Variants in ZBTB38 observed in about 807,000 individuals in gnomAD.
ZBTB38 encodes zinc finger and BTB domain-containing protein 38.
ZBTB38 carries 20 observed loss-of-function variants against 76.8 expected under a neutral mutation model. That is an observed-to-expected ratio of 0.26 (90% CI 0.18 to 0.38). The LOEUF is 0.38. Among genes scored for constraint, ZBTB38 ranks in the 10% least tolerant of loss-of-function variants. ZBTB38 has a pLI of 1.00. For missense variants in ZBTB38, 1,082 were observed against 1,482.3 expected (o/e 0.73, Z 4.43); for synonymous variants, 504 against 544.2 (o/e 0.93, Z 1.03).
At chr3:141,376,542 C>T (rs1390413749) in intron 2 of ZBTB38, among the ~76,000 whole-genome samples, 4 of 152,200 alleles carry the variant, frequency 2.6e-5, no homozygotes, top group Non-Finnish European at 5.9e-5. Flanking sequence ...CTCCCTTGAA[C>T]CAGAGGTACC....
chr3:141,329,634 A>G (rs915666061), intron 1 of ZBTB38, among the ~76,000 whole-genome samples: 1 of 152,256 alleles, frequency 6.6e-6, no homozygotes. Flanking sequence ...CCCAGAGGTT[A>G]GGGACAGGGG....
intron 5 of ZBTB38, among the ~76,000 whole-genome samples, chr3:141,415,360 A>G (rs1025809845): frequency 2.4e-4 from 36 of 152,286 alleles, no homozygotes; most frequent in South Asian, 1.9e-3. Context: ...GAATCATTCT[A>G]GAAACTTGTT....
intron 5 of ZBTB38, among the ~76,000 whole-genome samples, chr3:141,434,812 TTATAAG>T (rs1189413184): frequency 6.6e-6 from 1 of 151,844 alleles, no homozygotes; most frequent in Non-Finnish European, 1.5e-5. Flanking sequence ...ACAAATGTCC[TTATAAG>T]TATAATATAT....
chr3:141,356,106 G>A (rs1247761500), intron 1 of ZBTB38, among the ~76,000 whole-genome samples: 1 of 152,054 alleles, frequency 6.6e-6, no homozygotes, highest in Non-Finnish European at 1.5e-5. Flanking sequence ...GTGTGGCCAA[G>A]TGCATTAACA....
chr3:141,363,542 G>C (rs1231795360), upstream of ZBTB38, among the ~76,000 whole-genome samples: 1 of 152,086 alleles, frequency 6.6e-6, no homozygotes, highest in Non-Finnish European at 1.5e-5. Context: ...CATGACAATA[G>C]ATATCTAAAT....
chr3:141,343,951 G>A (rs966470467), intron 1 of ZBTB38, among the ~76,000 whole-genome samples: 1 of 152,184 alleles, frequency 6.6e-6, no homozygotes. Flanking sequence ...CAGTAGAAGA[G>A]AGAAAACATT....
At chr3:141,435,565 G>A (rs1265864628) in intron 5 of ZBTB38, among the ~76,000 whole-genome samples, 1 of 151,806 alleles carries the variant, frequency 6.6e-6, no homozygotes, top group African/African-American at 2.4e-5. Context: ...TTCAAGACGA[G>A]CCTGGCCAAC....
intron 5 of ZBTB38, among the ~76,000 whole-genome samples, chr3:141,424,799 C>T (rs2076090529): frequency 6.6e-6 from 1 of 152,182 alleles, no homozygotes; most frequent in South Asian, 2.1e-4. Context: ...ATATTTGTCC[C>T]TGCCATTGAG....
In ZBTB38 at chr3:141,388,595, T is replaced by G. The variant is rs531016168; in HGVS notation, c.-106+1658T>G. 5 of 152,336 alleles carry G rather than the reference T, an allele frequency of 3.3e-5. No individual in the cohort carries two copies. The South Asian group carries it at 1.0e-3, about 32-fold the overall frequency. The allele number at this position is 152,336 out of a possible 1,614,324, so 9.4% of individuals were successfully genotyped here. On this transcript the variant is annotated intron_variant, in intron 4 of 5. Transcript: ENST00000321464. ...TTAACTTCTCAAATATATTTTAGTT[T>G]CAAATTTAACACTGGGCCAGAACCT...
At chr3:141,338,268 C>T (rs1943073634) in intron 1 of ZBTB38, among the ~76,000 whole-genome samples, 1 of 152,146 alleles carries the variant, frequency 6.6e-6, no homozygotes, top group Non-Finnish European at 1.5e-5. Flanking sequence ...ACTGCCACTC[C>T]ACCCAGCAAT....
intron 5 of ZBTB38, among the ~76,000 whole-genome samples, chr3:141,419,624 T>C (rs1213962359): frequency 6.6e-6 from 1 of 152,216 alleles, no homozygotes; most frequent in Non-Finnish European, 1.5e-5. Flanking sequence ...TGTCCCATCT[T>C]TGAAATAGAA....
chr3:141,428,585 T>C (rs1458403205), intron 5 of ZBTB38, among the ~76,000 whole-genome samples: 2 of 152,160 alleles, frequency 1.3e-5, no homozygotes, highest in African/African-American at 2.4e-5. Context: ...CCTCCGGGGT[T>C]CAAGCGATTC....
intron 3 of ZBTB38, among the ~76,000 whole-genome samples, chr3:141,382,205 G>A (rs569726829): frequency 2.0e-5 from 3 of 152,272 alleles, no homozygotes; most frequent in South Asian, 2.1e-4. Flanking sequence ...GCAACATAGC[G>A]AGACTCTGTC....
chr3:141,403,363 A>G (rs913770733), intron 4 of ZBTB38, among the ~76,000 whole-genome samples: 1 of 152,214 alleles, frequency 6.6e-6, no homozygotes, highest in Non-Finnish European at 1.5e-5. Context: ...GTGAGTCGCT[A>G]TATCTAAGTG....
At chr3:141,380,815 C>T (rs1293919251) in intron 2 of ZBTB38, among the ~76,000 whole-genome samples, 1 of 152,134 alleles carries the variant, frequency 6.6e-6, no homozygotes, top group Non-Finnish European at 1.5e-5. Context: ...GCTGCAATGT[C>T]ATGTATCTGA....
At chr3:141,400,141 A>C (rs1951479468) in intron 4 of ZBTB38, among the ~76,000 whole-genome samples, 1 of 152,156 alleles carries the variant, frequency 6.6e-6, no homozygotes, top group Admixed American at 6.5e-5. Context: ...AAATTTCCAG[A>C]TAGTTCCCCA....
At chr3:141,344,009 C>G (rs1291085872) in intron 1 of ZBTB38, among the ~76,000 whole-genome samples, 1 of 152,214 alleles carries the variant, frequency 6.6e-6, no homozygotes, top group Non-Finnish European at 1.5e-5. Flanking sequence ...ATGTCCAAAG[C>G]ACAAAATCGA....
At chr3:141,342,641 G>A (rs1040076621) in intron 1 of ZBTB38, among the ~76,000 whole-genome samples, 2 of 151,732 alleles carry the variant, frequency 1.3e-5, no homozygotes, top group African/African-American at 4.8e-5. Context: ...GATTTGAGGT[G>A]AGGCTGGAGA....
chr3:141,408,325 T>C (rs1212637781), intron 5 of ZBTB38, among the ~76,000 whole-genome samples: 2 of 152,238 alleles, frequency 1.3e-5, no homozygotes, highest in East Asian at 3.8e-4. Flanking sequence ...GGCTGATGGA[T>C]GACCTGAGGT....
Sources: gnomAD v4.1 joint callset for allele counts (sites outside exome capture counted in the v4.1 genomes callset) on GRCh38, gnomAD v4.1.1 for gene constraint, MANE v1.5 for transcripts, NCBI Gene and HGNC (gene_info 2026-07-23, HGNC 2026-07-21) for gene names.